The following MBNL2 variants were observed in gnomAD, a reference collection of about 807,000 sequenced individuals.
MBNL2 encodes the protein muscleblind like splicing regulator 2, also known as muscleblind-like protein 2.
Under a neutral mutation model 41.9 loss-of-function variants are expected in MBNL2, and 17 were observed. That is an observed-to-expected ratio of 0.41 (90% CI 0.28 to 0.61). The LOEUF (loss-of-function observed/expected upper bound fraction) is 0.61, where lower values mean the gene tolerates loss of function less well. Ranked by LOEUF, MBNL2 falls within the 20% of genes least tolerant of loss-of-function variation. The pLI is 0.35. For synonymous variants in MBNL2, 195 were observed against 182.9 expected (o/e 1.07, Z -0.53); for missense variants, 336 against 505.6 (o/e 0.66, Z 3.22).
At chr13:97,215,866 C>T in the MBNL2 span, among the ~76,000 whole-genome samples, 1 of 152,124 alleles carries the variant, frequency 6.6e-6, no homozygotes, top group Admixed American at 6.5e-5. Flanking sequence ...AGAAATCACT[C>T]TCACTAGGAT....
chr13:97,229,832 T>C (rs563844064), intron 1 of MBNL2, among the ~76,000 whole-genome samples: 41 of 152,308 alleles, frequency 2.7e-4, no homozygotes, highest in African/African-American at 9.4e-4. Context: ...ACTTGTAAGA[T>C]AGGGTTAGAG....
the MBNL2 span, among the ~76,000 whole-genome samples, chr13:97,173,899 G>A: frequency 6.6e-6 from 1 of 152,158 alleles, no homozygotes; most frequent in Non-Finnish European, 1.5e-5. Flanking sequence ...GTTGATGTTA[G>A]GGCCCTCTTC....
chr13:97,228,674 C>T (rs769443454), intron 1 of MBNL2, among the ~76,000 whole-genome samples: 4 of 151,612 alleles, frequency 2.6e-5, no homozygotes, highest in Non-Finnish European at 5.9e-5. Flanking sequence ...GGATCACAGG[C>T]GTGTGTCACC....
rs187863748 is a variant in MBNL2 at position 97,380,211 on chromosome 13, G to A, written c.1049-11111G>A. Among the ~76,000 whole-genome samples, 578 of 152,216 alleles carry A rather than the reference G, an allele frequency of 3.8e-3. 7 individuals are homozygous for A. Among genetic ancestry groups the A allele is most frequent in the African/African-American group, 0.012 (517 of 41,548 alleles). ...CAAATGTACGCTAAGAACCCACCTT[G>A]AGCTGGGCGCAGTGGCTCATGCCTA... On this transcript the variant is annotated intron_variant, in intron 8 of 8. Coordinates refer to ENST00000679496, the MANE Select transcript of MBNL2 (RefSeq NM_001382683.1).
At chr13:97,368,686 A>G (rs1177680269) in intron 8 of MBNL2, among the ~76,000 whole-genome samples, 1 of 147,836 alleles carries the variant, frequency 6.8e-6, no homozygotes, top group Non-Finnish European at 1.5e-5. Flanking sequence ...GAGATTCCAT[A>G]GGTATATTCA....
At chr13:97,376,933 T>C (rs1459711704) in intron 8 of MBNL2, among the ~76,000 whole-genome samples, 1 of 152,196 alleles carries the variant, frequency 6.6e-6, no homozygotes, top group African/African-American at 2.4e-5. Flanking sequence ...GCCCAGGACC[T>C]GATCACCCAT....
intron 8 of MBNL2, among the ~76,000 whole-genome samples, chr13:97,386,490 A>G (rs1485089457): frequency 6.6e-6 from 1 of 152,208 alleles, no homozygotes; most frequent in African/African-American, 2.4e-5. Context: ...GACCTGGCCT[A>G]TTCACTTACA....
intron 2 of MBNL2, among the ~76,000 whole-genome samples, chr13:97,328,114 G>T (rs1303699732): frequency 1.3e-5 from 2 of 150,102 alleles, no homozygotes; most frequent in Non-Finnish European, 3.0e-5. Flanking sequence ...AGGTGCCCAA[G>T]AACAGCAGCG....
chr13:97,378,621 A>G (rs1432552266), intron 8 of MBNL2, among the ~76,000 whole-genome samples: 2 of 152,234 alleles, frequency 1.3e-5, no homozygotes, highest in Non-Finnish European at 1.5e-5. Context: ...ACACATACAG[A>G]AAAGGAATTA....
chr13:97,315,782 C>T (rs923768549), intron 2 of MBNL2, among the ~76,000 whole-genome samples: 17 of 151,916 alleles, frequency 1.1e-4, no homozygotes, highest in Non-Finnish European at 1.5e-5. Context: ...ATGTGGAAGG[C>T]CTTGCTCATG....
intron 2 of MBNL2, among the ~76,000 whole-genome samples, chr13:97,302,185 ACT>A (rs1205305804): frequency 6.6e-6 from 1 of 151,836 alleles, no homozygotes; most frequent in Admixed American, 6.6e-5. Flanking sequence ...CCCTTCTTTT[ACT>A]CTCTGACCCA....
At chr13:97,235,104 G>T (rs74107589) in intron 1 of MBNL2, among the ~76,000 whole-genome samples, 1,952 of 152,278 alleles carry the variant, frequency 0.013, 57 homozygotes, top group African/African-American at 0.043. Flanking sequence ...TCTCTATGAG[G>T]TGACCACATT....
At chr13:97,261,164 C>T (rs961743666) in intron 1 of MBNL2, among the ~76,000 whole-genome samples, 1 of 152,060 alleles carries the variant, frequency 6.6e-6, no homozygotes. Context: ...CCCGGCTCTT[C>T]CCTCCTGTGC....
the MBNL2 span, among the ~76,000 whole-genome samples, chr13:97,162,453 G>A: frequency 6.6e-6 from 1 of 152,234 alleles, no homozygotes; most frequent in Non-Finnish European, 1.5e-5. Flanking sequence ...CATAGGTGGA[G>A]AGGTGGGTGT....
the MBNL2 span, among the ~76,000 whole-genome samples, chr13:97,171,407 T>G: frequency 1.3e-5 from 2 of 152,174 alleles, no homozygotes; most frequent in African/African-American, 4.8e-5. Context: ...TATATTATAT[T>G]GGTTTCTCAG....
At chr13:97,145,821 T>A in the MBNL2 span, among the ~76,000 whole-genome samples, 1 of 152,164 alleles carries the variant, frequency 6.6e-6, no homozygotes, top group African/African-American at 2.4e-5. Flanking sequence ...CCTGGTTCCC[T>A]CAGGGGCTGC....
chr13:97,324,726 C>T (rs1241029175), intron 2 of MBNL2, among the ~76,000 whole-genome samples: 1 of 152,162 alleles, frequency 6.6e-6, no homozygotes, highest in African/African-American at 2.4e-5. Context: ...GGGAAACCAA[C>T]AGTGCAGCCT....
At chr13:97,258,004 C>T (rs1358540168) in intron 1 of MBNL2, among the ~76,000 whole-genome samples, 1 of 152,132 alleles carries the variant, frequency 6.6e-6, no homozygotes, top group African/African-American at 2.4e-5. Context: ...CAACTGGTGA[C>T]GGCAGGGAAG....
chr13:97,291,705 G>A lies in MBNL2; in HGVS notation c.174+15296G>A, dbSNP rs553440327. Among the ~76,000 whole-genome samples, 3 of 150,344 alleles carry A rather than the reference G, an allele frequency of 2.0e-5. No homozygotes were observed. In the South Asian group the frequency reaches 6.4e-4, roughly 32 times the overall value. ...AGGTCAGGAGTTCGAGGCCAGCCCA[G>A]CCAACATGGTGAAAACCCTTCTCTG... On this transcript the variant is annotated intron_variant, in intron 2 of 8. Coordinates refer to ENST00000679496, the MANE Select transcript of MBNL2 (RefSeq NM_001382683.1).
Sources: gnomAD v4.1 joint callset for allele counts (sites outside exome capture counted in the v4.1 genomes callset) on GRCh38, gnomAD v4.1.1 for gene constraint, MANE v1.5 for transcripts, NCBI Gene and HGNC (gene_info 2026-07-23, HGNC 2026-07-21) for gene names.